The following DENND4C variants were observed in gnomAD, a reference collection of about 807,000 sequenced individuals.
DENND4C encodes DENN domain-containing protein 4C.
In DENND4C, 108 loss-of-function variants were observed where a neutral mutation model predicts 203.0. The observed-to-expected ratio is 0.53, with a 90% CI of 0.46 to 0.62. The LOEUF (loss-of-function observed/expected upper bound fraction) is 0.62, where lower values mean the gene tolerates loss of function less well. DENND4C is among the 20% of genes least tolerant of loss of function. The pLI is 0.00. For missense variants in DENND4C, 2,481 were observed against 2,301.2 expected (o/e 1.08, Z -1.60); for synonymous variants, 871 against 792.4 (o/e 1.10, Z -1.67).
At chr9:19,280,328 G>C (rs1564114710) in intron 2 of DENND4C, among the ~76,000 whole-genome samples, 1 of 152,054 alleles carries the variant, frequency 6.6e-6, no homozygotes, top group Non-Finnish European at 1.5e-5. Flanking sequence ...TGTATTTTTA[G>C]TAGAGACGGG....
intron 1 of DENND4C, among the ~76,000 whole-genome samples, chr9:19,269,286 G>A (rs1367977986): frequency 2.0e-5 from 3 of 151,802 alleles, no homozygotes; most frequent in Middle Eastern, 3.2e-3. Flanking sequence ...CTCGCCTCCC[G>A]AGTAGCTGGA....
Position 19,369,882 on chromosome 9 carries a change from C to G in DENND4C, c.5570C>G (p.Thr1857Arg). Residue 1857 changes from threonine (T) to arginine (R), a missense_variant, in exon 31 of 33, where the codon ACA becomes AGA. By Grantham distance (71) the Thr-to-Arg change is moderately conservative. Transcript: ENST00000434457. ...SSLLSEEQQE[T>R]STLVETIRQS... ...CTCCTGTCAGAGGAACAACAAGAAA[C>G]AAGCACTTTAGTAGAAACCATCAGG... 6.2e-7 allele frequency: 1 copy of G among 1,611,146 alleles called. No individual in the cohort carries two copies. The highest frequency in any genetic ancestry group is 8.5e-7 in the Non-Finnish European group (1 of 1,178,850).
chr9:19,325,796 C>A, intron 13 of DENND4C, 143 bp from the exon 14 acceptor site: 2 of 732,892 alleles, frequency 2.7e-6, no homozygotes, highest in Non-Finnish European at 4.5e-6. Flanking sequence ...AGTATGTATT[C>A]AGCCTAAAAA....
At chr9:19,342,529 C>T in intron 21 of DENND4C, 104 bp from the exon 22 acceptor site, 1 of 1,245,818 alleles carries the variant, frequency 8.0e-7, no homozygotes, top group Non-Finnish European at 1.1e-6. Flanking sequence ...AATAGACACA[C>T]TGACTGTTGG....
At chr9:19,295,973 C>G in intron 5 of DENND4C, 35 bp from the exon 6 acceptor site, 3 of 1,497,356 alleles carry the variant, frequency 2.0e-6, no homozygotes, top group Non-Finnish European at 1.8e-6. Flanking sequence ...TTCAAACAAA[C>G]TCAAATCTTA....
At chr9:19,300,153 C>G (rs778335396) in intron 8 of DENND4C, 34 bp from the exon 9 acceptor site, 1 of 1,563,950 alleles carries the variant, frequency 6.4e-7, no homozygotes, top group Non-Finnish European at 8.7e-7. Flanking sequence ...CAAAATAGTT[C>G]ACAATGATCT....
chr9:19,337,006 A>G (rs1383025508), intron 20 of DENND4C, among the ~76,000 whole-genome samples, 174 bp downstream of exon 20: 1 of 152,218 alleles, frequency 6.6e-6, no homozygotes, highest in South Asian at 2.1e-4. Flanking sequence ...TTCCTATAGT[A>G]CAAAATTAGT....
At chr9:19,263,177 A>G (rs369290937) in intron 1 of DENND4C, among the ~76,000 whole-genome samples, 5 of 152,322 alleles carry the variant, frequency 3.3e-5, no homozygotes, top group African/African-American at 7.2e-5. Flanking sequence ...TGCTTTTTCA[A>G]CATCAATTGA....
chr9:19,248,466 C>T (rs189646123), intron 1 of DENND4C, among the ~76,000 whole-genome samples: 86 of 151,852 alleles, frequency 5.7e-4, no homozygotes, highest in Middle Eastern at 3.4e-3. Context: ...CTTGGCTCAC[C>T]GCAACCTCCG....
At chr9:19,362,538 T>TAA (rs11320093) in intron 30 of DENND4C, among the ~76,000 whole-genome samples, 1 of 150,140 alleles carries the variant, frequency 6.7e-6, no homozygotes, top group African/African-American at 2.4e-5. Flanking sequence ...GATTTGCTGT[T>TAA]AAAAAAAAAA....
intron 1 of DENND4C, among the ~76,000 whole-genome samples, chr9:19,244,189 C>T (rs1805502897): frequency 6.6e-6 from 1 of 152,118 alleles, no homozygotes; most frequent in Admixed American, 6.6e-5. Flanking sequence ...CACCATCACA[C>T]CTGGCTAAAT....
chr9:19,238,027 C>G (rs1822459770), intron 1 of DENND4C, among the ~76,000 whole-genome samples: 1 of 151,818 alleles, frequency 6.6e-6, no homozygotes, highest in African/African-American at 2.4e-5. Context: ...GAGCTGTGCT[C>G]CCACTGTAGG....
rs149879503 is a variant in DENND4C, at chr9:19,268,288, C to T, written c.-17-7870C>T. 7.0e-3 allele frequency among the ~76,000 whole-genome samples: 1,062 copies of T among 152,034 alleles called. 29 individuals are homozygous for T. Among genetic ancestry groups the T allele is most frequent in the East Asian group, 0.056 (287 of 5,170 alleles). The stretch of plus-strand genomic sequence containing the variant: ...CGAATTTTTGTATTTTTTGTAGAGA[C>T]GGGGTTTTGCCATGTTGTCCAGGCT... On this transcript the variant is annotated intron_variant, in intron 1 of 32. Coordinates refer to ENST00000434457, the MANE Select transcript of DENND4C (RefSeq NM_001330640.2).
At chr9:19,253,027 C>T (rs1827041510) in intron 1 of DENND4C, among the ~76,000 whole-genome samples, 1 of 152,218 alleles carries the variant, frequency 6.6e-6, no homozygotes. Context: ...CGTGAGCCAG[C>T]ATACCCAGCC....
intron 1 of DENND4C, among the ~76,000 whole-genome samples, chr9:19,251,400 C>T (rs1366583285): frequency 6.6e-6 from 1 of 152,224 alleles, no homozygotes; most frequent in Admixed American, 6.5e-5. Flanking sequence ...TTCAAGGCCT[C>T]TGGGCCTGTG....
At chr9:19,283,704 C>G (rs1244046582) in intron 2 of DENND4C, among the ~76,000 whole-genome samples, 1 of 150,538 alleles carries the variant, frequency 6.6e-6, no homozygotes, top group African/African-American at 2.4e-5. Context: ...TCCGCGCCCC[C>G]TCACCCCCAC....
At chr9:19,285,576 C>CTT (rs61396893) in intron 2 of DENND4C, among the ~76,000 whole-genome samples, 6,643 of 135,776 alleles carry the variant, frequency 0.049, 260 homozygotes, top group East Asian at 0.089. Context: ...GTCTTTGTGA[C>CTT]TTTTTTTTTT....
intron 1 of DENND4C, among the ~76,000 whole-genome samples, chr9:19,248,256 C>T (rs1480718784): frequency 6.6e-6 from 1 of 152,298 alleles, no homozygotes; most frequent in African/African-American, 2.4e-5. Context: ...CCTTGCTGTT[C>T]CTCAAAGACC....
intron 1 of DENND4C, among the ~76,000 whole-genome samples, chr9:19,247,412 T>G (rs546624679): frequency 3.7e-4 from 56 of 152,302 alleles, no homozygotes; most frequent in Middle Eastern, 3.4e-3. Context: ...TTTTCGTTTT[T>G]CAAGACAGGG....
Sources: allele counts gnomAD v4.1 joint callset (sites outside exome capture counted in the v4.1 genomes callset), GRCh38; gene constraint gnomAD v4.1.1; transcripts MANE v1.5; gene names NCBI Gene and HGNC (gene_info 2026-07-23, HGNC 2026-07-21).